Variants in GMPR observed in about 807,000 individuals in gnomAD.
The protein encoded by GMPR is GMP reductase 1.
A neutral mutation model predicts 38.4 loss-of-function variants in GMPR; 31 were observed. The ratio of observed to expected loss-of-function variants is 0.81; its 90% confidence interval spans 0.61 to 1.09. GMPR has a LOEUF of 1.09. Among genes scored for constraint, GMPR ranks in the 50% least tolerant of loss-of-function variants. GMPR has a pLI of 0.00. For missense variants in GMPR, 468 were observed against 453.7 expected, an observed-to-expected ratio of 1.03 and a Z score of -0.29; for synonymous variants, 162 against 173.3, an observed-to-expected ratio of 0.93 and a Z score of 0.51.
intron 2 of GMPR, among the ~76,000 whole-genome samples, chr6:16,249,760 T>C (rs1280790601): frequency 1.3e-5 from 2 of 152,262 alleles, no homozygotes; most frequent in African/African-American, 4.8e-5. Context: ...AGGGTTATAC[T>C]TTATATAATT....
chr6:16,264,096 G>A (rs1007587724), intron 4 of GMPR, among the ~76,000 whole-genome samples: 1 of 151,956 alleles, frequency 6.6e-6, no homozygotes, highest in Non-Finnish European at 1.5e-5. Context: ...TCTGAAACCC[G>A]GTAGAATAAT....
In GMPR at chr6:16,290,584, G is replaced by T. The variant is rs747618542; in HGVS notation, c.820G>T (p.Ala274Ser). 1.9e-6 allele frequency: 3 copies of T among 1,614,022 alleles called. No individual in the cohort carries two copies. The highest frequency in any genetic ancestry group is 1.7e-6 in the Non-Finnish European group (2 of 1,180,008). ...KLFYGMSSDT[A>S]MNKHAGGVAE... Reference sequence around the variant, plus strand: ...CTTCTACGGGATGAGCTCTGACACCGCCATGAACAAGCACGCAGGAGGAGT... The same window carrying T: ...CTTCTACGGGATGAGCTCTGACACCTCCATGAACAAGCACGCAGGAGGAGT... Residue 274 changes from alanine (A) to serine (S), a missense_variant, in exon 8 of 9, where the codon GCC becomes TCC. Coordinates refer to ENST00000259727, the MANE Select transcript of GMPR (RefSeq NM_006877.4).
chr6:16,246,768 A>G, intron 1 of GMPR, 74 bp from the exon 2 acceptor site: 1 of 1,471,808 alleles, frequency 6.8e-7, no homozygotes, highest in Non-Finnish European at 9.3e-7. Context: ...CAAACTCCAG[A>G]AATTCTGCAC....
chr6:16,266,009 G>C (rs1299326025), intron 4 of GMPR, among the ~76,000 whole-genome samples: 2 of 152,020 alleles, frequency 1.3e-5, no homozygotes, highest in Admixed American at 6.5e-5. Context: ...CACTCACCGT[G>C]AAGGTCTGTG....
At chr6:16,242,781 G>A (rs1425859649) in intron 1 of GMPR, among the ~76,000 whole-genome samples, 1 of 152,070 alleles carries the variant, frequency 6.6e-6, no homozygotes, top group East Asian at 1.9e-4. Flanking sequence ...TGGGATTATA[G>A]GCATGCACCA....
At chr6:16,274,609 T>C (rs1759444498) in intron 5 of GMPR, 113 bp downstream of exon 5, 3 of 659,312 alleles carry the variant, frequency 4.6e-6, no homozygotes, top group Non-Finnish European at 8.2e-6. Flanking sequence ...TTCACAGATA[T>C]TTAAAGCATG....
At chr6:16,246,715 C>A in intron 1 of GMPR, 127 bp from the exon 2 acceptor site, 1 of 858,632 alleles carries the variant, frequency 1.2e-6, no homozygotes, top group South Asian at 1.7e-5. Flanking sequence ...TGTCTTTGAC[C>A]CCTAAGAGAA....
intron 4 of GMPR, among the ~76,000 whole-genome samples, chr6:16,258,438 C>G (rs931983559): frequency 2.6e-5 from 4 of 152,090 alleles, no homozygotes; most frequent in Non-Finnish European, 5.9e-5. Context: ...CTGGGTAAGA[C>G]GAGGGAAAGG....
intron 4 of GMPR, among the ~76,000 whole-genome samples, chr6:16,268,964 A>G (rs952601450): frequency 2.6e-4 from 39 of 151,388 alleles, no homozygotes; most frequent in African/African-American, 9.4e-4. Flanking sequence ...TGTACAGTTC[A>G]GTGGCACTAA....
chr6:16,259,550 T>C (rs1759041791), intron 4 of GMPR, among the ~76,000 whole-genome samples: 1 of 151,558 alleles, frequency 6.6e-6, no homozygotes. Flanking sequence ...CTGCTTCGAG[T>C]GGGATTAGGG....
Position 16,254,694 on chromosome 6 carries a change from G to A in GMPR, c.424G>A (p.Val142Met), listed in dbSNP as rs140300479. The part of the protein sequence containing the change: ...NGYSEHFVEF[V>M]KLVRAKFPEH... ...GTATTCAGAACATTTTGTGGAATTC[G>A]TGAAACTTGTCCGTGCCAAATTTCC... The change falls in exon 4 of 9, where the codon GTG (valine) becomes ATG (methionine). Residue 142 changes from valine (V) to methionine (M), a missense_variant. Transcript: ENST00000259727. 76 of 1,613,812 alleles carry A rather than the reference G, an allele frequency of 4.7e-5. No individual in the cohort carries two copies. The highest frequency in any genetic ancestry group is 4.2e-4 in the East Asian group (19 of 44,886).
intron 7 of GMPR, among the ~76,000 whole-genome samples, chr6:16,288,651 G>GT (rs1382604046): frequency 6.6e-6 from 1 of 152,236 alleles, no homozygotes; most frequent in Non-Finnish European, 1.5e-5. Context: ...GGCGCAGGGC[G>GT]TGGGACTGGT....
intron 7 of GMPR, 56 bp from the exon 8 acceptor site, chr6:16,290,406 T>A (rs1759817105): frequency 1.2e-5 from 18 of 1,541,480 alleles, no homozygotes; most frequent in Non-Finnish European, 1.5e-5. Context: ...TTGAGAGCCT[T>A]TTCCCCTGAG....
At position 16,274,423 on chromosome 6, in the gene GMPR, C is replaced by G; in HGVS notation, c.474C>G (p.Asn158Lys). ...KFPEHTIMAG[N>K]VVTGEMVEEL... ...TATTCTTTCTGTCTCAGGCAGGGAA[C>G]GTGGTGACAGGAGAAATGGTAGAAG... The change falls in exon 5 of 9, where the codon AAC becomes AAG. Residue 158 changes from asparagine (N) to lysine (K), a missense_variant. Physicochemically the swap from Asn to Lys is moderately conservative, Grantham distance 94. Coordinates refer to ENST00000259727, the MANE Select transcript of GMPR (RefSeq NM_006877.4). The G allele has an allele frequency of 6.3e-7, 1 of 1,595,242 alleles. No individual in the cohort carries two copies.
chr6:16,278,907 G>A lies in GMPR; in HGVS notation c.654+17G>A, dbSNP rs1759526570. 6.5e-7 allele frequency: 1 copy of A among 1,528,848 alleles called. No individual in the cohort carries two copies. The highest frequency in any genetic ancestry group is 9.0e-7 in the Non-Finnish European group (1 of 1,106,426). 94.7% of individuals were successfully genotyped at this position (1,528,848 alleles called of 1,614,324 possible). A position where few individuals can be genotyped will look rare whatever the true frequency, so the allele number is the denominator to read the frequency against. ...ATCATCTCTGTGAGTCTCCACCCGG[G>A]GCTGAGGCTGGGGTGTCTTGGGAGG... On this transcript the variant is annotated intron_variant, in intron 6 of 8. Transcript: ENST00000259727.
At chr6:16,269,754 G>T (rs536043085) in intron 4 of GMPR, among the ~76,000 whole-genome samples, 3 of 152,154 alleles carry the variant, frequency 2.0e-5, no homozygotes, top group Admixed American at 6.5e-5. Context: ...CTGTGATTGC[G>T]CCATTGCACT....
At chr6:16,253,281 G>T (rs1309474289) in intron 3 of GMPR, among the ~76,000 whole-genome samples, 1 of 152,362 alleles carries the variant, frequency 6.6e-6, no homozygotes, top group Non-Finnish European at 1.5e-5. Context: ...TACAGGTTGA[G>T]ATTTGCATGC....
intron 6 of GMPR, among the ~76,000 whole-genome samples, chr6:16,282,117 T>G (rs1285672539): frequency 6.6e-6 from 1 of 152,218 alleles, no homozygotes; most frequent in Non-Finnish European, 1.5e-5. Context: ...CTTTATTTGC[T>G]GAATTAGCAC....
At chr6:16,272,809 T>C (rs1759408391) in intron 4 of GMPR, among the ~76,000 whole-genome samples, 1 of 152,158 alleles carries the variant, frequency 6.6e-6, no homozygotes, top group Non-Finnish European at 1.5e-5. Flanking sequence ...TGTGTTTATG[T>C]GTATGTCAGT....
Sources: allele counts gnomAD v4.1 joint callset (sites outside exome capture counted in the v4.1 genomes callset), GRCh38; gene constraint gnomAD v4.1.1; transcripts MANE v1.5; gene names NCBI Gene and HGNC (gene_info 2026-07-23, HGNC 2026-07-21).